The following FSTL4 variants were observed in gnomAD, a reference collection of about 807,000 sequenced individuals.
FSTL4 encodes the protein follistatin-related protein 4.
In FSTL4, 28 loss-of-function variants were observed where a neutral mutation model predicts 78.2. That is an observed-to-expected ratio of 0.36 (90% CI 0.27 to 0.49). The LOEUF (loss-of-function observed/expected upper bound fraction) is 0.49, where lower values mean the gene tolerates loss of function less well. FSTL4 is among the 20% of genes least tolerant of loss of function. FSTL4 has a pLI of 0.98. For synonymous variants in FSTL4, 422 were observed against 440.5 expected (o/e 0.96, Z 0.53); for missense variants, 922 against 1,084.9 (o/e 0.85, Z 2.11).
intron 3 of FSTL4, among the ~76,000 whole-genome samples, chr5:133,497,446 G>A (rs1006181668): frequency 2.0e-5 from 3 of 152,254 alleles, no homozygotes; most frequent in African/African-American, 7.2e-5. Flanking sequence ...CATAGCTGCT[G>A]AGAGTATTTT....
At chr5:133,575,641 TA>T (rs1003036645) in intron 2 of FSTL4, among the ~76,000 whole-genome samples, 11 of 152,124 alleles carry the variant, frequency 7.2e-5, no homozygotes, top group Admixed American at 1.3e-4. Context: ...TTCCAGTGCT[TA>T]AAAAAGCAAC....
chr5:133,355,246 C>T (rs1754915909), intron 4 of FSTL4, among the ~76,000 whole-genome samples: 1 of 152,192 alleles, frequency 6.6e-6, no homozygotes, highest in Non-Finnish European at 1.5e-5. Flanking sequence ...CAGACAGCTT[C>T]CCAAGTTTTG....
At chr5:133,318,721 T>C (rs943522320) in intron 4 of FSTL4, among the ~76,000 whole-genome samples, 1 of 152,230 alleles carries the variant, frequency 6.6e-6, no homozygotes, top group Non-Finnish European at 1.5e-5. Flanking sequence ...CCGAAGAACA[T>C]GCTGCAGCAG....
At chr5:133,732,240 T>C in the FSTL4 span, among the ~76,000 whole-genome samples, 1 of 152,082 alleles carries the variant, frequency 6.6e-6, no homozygotes, top group East Asian at 1.9e-4. Flanking sequence ...AGGGGAGGTG[T>C]GTGGTGCAGG....
the FSTL4 span, among the ~76,000 whole-genome samples, chr5:133,629,300 C>G: frequency 1.8e-4 from 27 of 152,100 alleles, no homozygotes; most frequent in East Asian, 4.1e-3. Context: ...ATTGAACCAG[C>G]CTTGCATGGG....
chr5:133,199,564 TCAC>T lies in FSTL4; in HGVS notation c.2057_2059del (p.Gly686del). The T allele has an allele frequency of 6.2e-7, 1 of 1,613,902 alleles. No individual in the cohort carries two copies. The highest frequency in any genetic ancestry group is 1.1e-5 in the South Asian group (1 of 91,080). ...GGATGTGTGTGGGGTGCCTGTTACA[TCAC>T]CATTGGGGCCAAGCACAGAGTCTGT... On this transcript the variant is annotated inframe_deletion, in exon 16 of 16. Coordinates refer to ENST00000265342, the MANE Select transcript of FSTL4 (RefSeq NM_015082.2). The surrounding 1 kb of genome is among the most constrained non-coding windows in gnomAD (Gnocchi z 4.4).
At chr5:133,693,759 C>T in the FSTL4 span, among the ~76,000 whole-genome samples, 2 of 152,216 alleles carry the variant, frequency 1.3e-5, no homozygotes, top group African/African-American at 4.8e-5. Flanking sequence ...GGGGCTGCAT[C>T]TGGTGTAAGT....
chr5:133,527,576 G>C (rs1759163364), intron 3 of FSTL4, among the ~76,000 whole-genome samples: 1 of 152,124 alleles, frequency 6.6e-6, no homozygotes, highest in Non-Finnish European at 1.5e-5. Context: ...AAACAGCCAA[G>C]CATCATCCCT....
At chr5:133,654,983 C>A in the FSTL4 span, among the ~76,000 whole-genome samples, 2 of 152,194 alleles carry the variant, frequency 1.3e-5, no homozygotes, top group Non-Finnish European at 2.9e-5. Flanking sequence ...TGTCTCCAGT[C>A]CCCATCTTAC....
At chr5:133,285,594 G>A (rs560046978) in intron 6 of FSTL4, among the ~76,000 whole-genome samples, 1 of 152,280 alleles carries the variant, frequency 6.6e-6, no homozygotes, top group South Asian at 2.1e-4. Flanking sequence ...CAAGGCCAAG[G>A]GCATGTCCTG....
intron 7 of FSTL4, 58 bp downstream of exon 7, chr5:133,249,352 C>T: frequency 7.4e-7 from 1 of 1,358,126 alleles, no homozygotes; most frequent in Non-Finnish European, 1.1e-6. Context: ...GGCATCTTAC[C>T]CAGTGTACTC....
chr5:133,228,236 T>C (rs1554097863), intron 8 of FSTL4, among the ~76,000 whole-genome samples: 1 of 151,736 alleles, frequency 6.6e-6, no homozygotes, highest in Non-Finnish European at 1.5e-5. Flanking sequence ...CAAATAATAA[T>C]AATAAAAATA....
chr5:133,671,921 T>C, the FSTL4 span, among the ~76,000 whole-genome samples: 1 of 152,248 alleles, frequency 6.6e-6, no homozygotes, highest in Non-Finnish European at 1.5e-5. Context: ...GATTTCTTTA[T>C]TATGGCTAGC....
At chr5:133,546,381 C>G (rs1036081118) in intron 3 of FSTL4, among the ~76,000 whole-genome samples, 29 of 151,960 alleles carry the variant, frequency 1.9e-4, no homozygotes, top group Non-Finnish European at 3.4e-4. Context: ...TGGCACGTGC[C>G]TGTAATCCCA....
chr5:133,582,008 G>A (rs1160680334), intron 2 of FSTL4, among the ~76,000 whole-genome samples: 3 of 152,204 alleles, frequency 2.0e-5, no homozygotes, highest in East Asian at 1.9e-4. Context: ...GTGTCCCTTC[G>A]TAACAGAGGG....
intron 3 of FSTL4, among the ~76,000 whole-genome samples, chr5:133,548,019 T>C (rs957633090): frequency 1.3e-5 from 2 of 152,172 alleles, no homozygotes; most frequent in African/African-American, 4.8e-5. Context: ...AACACACTGA[T>C]GTGCCAGGAG....
intron 4 of FSTL4, among the ~76,000 whole-genome samples, chr5:133,349,164 C>T (rs914745515): frequency 2.0e-5 from 3 of 152,154 alleles, no homozygotes; most frequent in Admixed American, 2.0e-4. Context: ...GGGATATGGA[C>T]CCCTGCCTAT....
chr5:133,690,120 G>A, the FSTL4 span, among the ~76,000 whole-genome samples: 7 of 151,744 alleles, frequency 4.6e-5, no homozygotes, highest in South Asian at 2.1e-4. Flanking sequence ...CCTCCCCACC[G>A]GAACTTCCCT....
chr5:133,366,703 A>G (rs1580653143), intron 4 of FSTL4, among the ~76,000 whole-genome samples: 1 of 151,708 alleles, frequency 6.6e-6, no homozygotes, highest in African/African-American at 2.4e-5. Flanking sequence ...CAGAATCTGA[A>G]CTCACTGCAG....
Sources: gnomAD v4.1 joint callset for allele counts (sites outside exome capture counted in the v4.1 genomes callset) on GRCh38, gnomAD v4.1.1 for gene constraint, Gnocchi (gnomAD v3.1) non-coding constraint, MANE v1.5 for transcripts, NCBI Gene and HGNC (gene_info 2026-07-23, HGNC 2026-07-21) for gene names.